Variants in AXIN1 observed in about 807,000 individuals in gnomAD.
The protein encoded by AXIN1 is axin 1.
AXIN1 carries 30 observed loss-of-function variants against 76.4 expected under a neutral mutation model. The ratio of observed to expected loss-of-function variants is 0.39; its 90% confidence interval spans 0.29 to 0.53. The LOEUF is 0.53. Among genes scored for constraint, AXIN1 ranks in the 20% least tolerant of loss-of-function variants. AXIN1 has a pLI of 0.66. For synonymous variants in AXIN1, 545 were observed against 501.4 expected, an observed-to-expected ratio of 1.09 and a Z score of -1.16; for missense variants, 1,140 against 1,198.8, an observed-to-expected ratio of 0.95 and a Z score of 0.72.
Position 293,820 on chromosome 16 carries a change from G to C in AXIN1, c.1956-102C>G. 2.6e-6 allele frequency: 3 copies of C among 1,153,974 alleles called. No individual in the cohort carries two copies. Among genetic ancestry groups the C allele is most frequent in the South Asian group, 2.4e-5 (2 of 81,694 alleles). The allele number at this position is 1,153,974 out of a possible 1,614,324, so 71.5% of individuals were successfully genotyped here. ...ACAAGGGCAGCCTCCTTGAGGGATA[G>C]GATGGGATGGGGCACTGGGGCCTGG... On this transcript the variant is annotated intron_variant, in intron 7 of 10. Coordinates refer to ENST00000262320, the MANE Select transcript of AXIN1 (RefSeq NM_003502.4). This position sits in a 1 kb window ranked among gnomAD's most constrained non-coding sequence, Gnocchi z 4.6.
At chr16:352,117 T>A (rs1262233366) in intron 1 of AXIN1, among the ~76,000 whole-genome samples, 1 of 151,598 alleles carries the variant, frequency 6.6e-6, no homozygotes, top group Non-Finnish European at 1.5e-5. Context: ...CAGGCCCGGC[T>A]CTCCCGGGCC....
At chr16:350,136 A>G (rs1277444008) in intron 1 of AXIN1, among the ~76,000 whole-genome samples, 1 of 152,250 alleles carries the variant, frequency 6.6e-6, no homozygotes, top group Admixed American at 6.5e-5. Flanking sequence ...AGCCCAGAAG[A>G]AAATTTTCTT....
At chr16:341,460 G>C (rs1238099891) in intron 2 of AXIN1, among the ~76,000 whole-genome samples, 2 of 152,260 alleles carry the variant, frequency 1.3e-5, no homozygotes, top group Non-Finnish European at 2.9e-5. Context: ...GCCCACCGGA[G>C]CTGCGCTCAA....
chr16:303,345 G>A (rs916229509), intron 5 of AXIN1, among the ~76,000 whole-genome samples: 6 of 152,084 alleles, frequency 3.9e-5, no homozygotes, highest in South Asian at 2.1e-4. Flanking sequence ...TCTGCGAGGC[G>A]GGAAGCACAC....
At chr16:303,353 C>T (rs949059504) in intron 5 of AXIN1, among the ~76,000 whole-genome samples, 2 of 151,948 alleles carry the variant, frequency 1.3e-5, no homozygotes, top group Non-Finnish European at 2.9e-5. Flanking sequence ...GCGGGAAGCA[C>T]ACTAGCAGAA....
chr16:289,427 C>A lies in AXIN1; in HGVS notation c.2462+13G>T, dbSNP rs2141466955. The stretch of plus-strand genomic sequence containing the variant: ...CTCGTGCGGGGAGGGGGCACCCCAG[C>A]CCTCACACTCACCTGTAGCTGCCCT... On this transcript the variant is annotated intron_variant, in intron 10 of 10. Transcript: ENST00000262320. 2 of 1,612,712 alleles carry A rather than the reference C, an allele frequency of 1.2e-6. No individual in the cohort carries two copies. Among genetic ancestry groups the A allele is most frequent in the Non-Finnish European group, 1.7e-6 (2 of 1,179,940 alleles).
At chr16:316,784 T>G (rs1377086776) in intron 2 of AXIN1, among the ~76,000 whole-genome samples, 1 of 152,236 alleles carries the variant, frequency 6.6e-6, no homozygotes. Context: ...TAGTCTCTAC[T>G]GTGCCTAACT....
At chr16:325,316 G>A (rs1041815811) in intron 2 of AXIN1, among the ~76,000 whole-genome samples, 13 of 152,260 alleles carry the variant, frequency 8.5e-5, no homozygotes, top group African/African-American at 2.2e-4. Flanking sequence ...CCGCTGCTCC[G>A]GCGCCCCCTC....
rs2141515150 is a variant in AXIN1 at position 298,151 on chromosome 16, A to T, written c.1355T>A (p.Val452Glu). 1 of 1,543,616 alleles carries T rather than the reference A, an allele frequency of 6.5e-7. No individual in the cohort carries two copies. Among genetic ancestry groups the T allele is most frequent in the Non-Finnish European group, 8.7e-7 (1 of 1,147,670 alleles). The change falls in exon 6 of 11, where the codon GTG becomes GAG. Residue 452 changes from valine (V) to glutamate (E), a missense_variant. Transcript: ENST00000262320. ...CCGGAGCCCGGCACAGCCCATGTCCACACAGCGGGGCGGGAAGTGGTGCCA... is the reference window on the plus strand; with the variant it reads ...CCGGAGCCCGGCACAGCCCATGTCCTCACAGCGGGGCGGGAAGTGGTGCCA... ...PAWHHFPPRC[V>E]DMGCAGLRDA...
chr16:349,757 A>C (rs2054105697), intron 1 of AXIN1, among the ~76,000 whole-genome samples: 1 of 152,266 alleles, frequency 6.6e-6, no homozygotes, highest in Non-Finnish European at 1.5e-5. Flanking sequence ...TGTACCACAG[A>C]AAACAGCAGC....
chr16:326,514 C>A (rs1211992069), intron 2 of AXIN1, among the ~76,000 whole-genome samples: 7 of 150,044 alleles, frequency 4.7e-5, no homozygotes, highest in African/African-American at 4.9e-5. Context: ...CATGGGAGGC[C>A]AAGGCGGGCG....
intron 5 of AXIN1, among the ~76,000 whole-genome samples, chr16:301,705 A>C (rs2052878120): frequency 6.6e-6 from 1 of 152,180 alleles, no homozygotes; most frequent in Admixed American, 6.5e-5. Context: ...GAACGGGTGA[A>C]GGCGCAAAGA....
intron 2 of AXIN1, among the ~76,000 whole-genome samples, chr16:337,986 G>A (rs1344218092): frequency 6.6e-6 from 1 of 152,180 alleles, no homozygotes; most frequent in Non-Finnish European, 1.5e-5. Flanking sequence ...ACCCTGAGTG[G>A]TTATTCTCAC....
At position 287,509 on chromosome 16, in the gene AXIN1, G is replaced by C. The variant is rs1363188597; in HGVS notation, c.*613C>G. 6.0e-6 allele frequency: 2 copies of C among 334,822 alleles called. No homozygotes were observed. Among genetic ancestry groups the C allele is most frequent in the Non-Finnish European group, 1.1e-5 (2 of 181,814 alleles). The allele number at this position is 334,822 out of a possible 1,614,324, so 20.7% of individuals were successfully genotyped here. A position where few individuals can be genotyped will look rare whatever the true frequency, so the allele number is the denominator to read the frequency against. On this transcript the variant is annotated 3_prime_UTR_variant, in exon 11 of 11. Coordinates refer to ENST00000262320, the MANE Select transcript of AXIN1 (RefSeq NM_003502.4). The stretch of plus-strand genomic sequence containing the variant: ...TGAAAAGATAATTAATTGTACAAGT[G>C]TCATCGCATGAAAAACAGACTCGGG...
At chr16:323,258 T>TG (rs2053498699) in intron 2 of AXIN1, among the ~76,000 whole-genome samples, 1 of 150,788 alleles carries the variant, frequency 6.6e-6, no homozygotes, top group Admixed American at 6.6e-5. Context: ...GCTAACACGG[T>TG]GAAACCCCGT....
chr16:288,805 G>A (rs2052467327), intron 10 of AXIN1, among the ~76,000 whole-genome samples: 1 of 152,242 alleles, frequency 6.6e-6, no homozygotes, highest in African/African-American at 2.4e-5. Flanking sequence ...TGGTAGGAGG[G>A]GGCTTGGCTT....
At chr16:352,288 AC>A in intron 1 of AXIN1, 80 bp downstream of exon 1, 1 of 848,906 alleles carries the variant, frequency 1.2e-6, no homozygotes, top group South Asian at 5.3e-5. Flanking sequence ...CGCGTCAGCC[AC>A]CCGCGCCCCC....
At chr16:351,332 A>G (rs1197948813) in intron 1 of AXIN1, among the ~76,000 whole-genome samples, 1 of 152,110 alleles carries the variant, frequency 6.6e-6, no homozygotes, top group Non-Finnish European at 1.5e-5. Context: ...AGAAGGGGCC[A>G]GGCGCGGTGG....
intron 4 of AXIN1, among the ~76,000 whole-genome samples, chr16:309,230 T>C (rs1228708507): frequency 6.6e-6 from 1 of 151,700 alleles, no homozygotes; most frequent in Non-Finnish European, 1.5e-5. Context: ...CTCGGGAGGC[T>C]GAGGCAGGAG....
Sources: gnomAD v4.1 joint callset for allele counts (sites outside exome capture counted in the v4.1 genomes callset) on GRCh38, gnomAD v4.1.1 for gene constraint, Gnocchi (gnomAD v3.1) non-coding constraint, MANE v1.5 for transcripts, NCBI Gene and HGNC (gene_info 2026-07-23, HGNC 2026-07-21) for gene names.